The following SLC12A7 variants were observed in gnomAD, a reference collection of about 807,000 sequenced individuals.
The protein encoded by SLC12A7 is solute carrier family 12 member 7.
Under a neutral mutation model 120.6 loss-of-function variants are expected in SLC12A7, and 100 were observed. The observed-to-expected ratio is 0.83, with a 90% CI of 0.71 to 0.98. The LOEUF (loss-of-function observed/expected upper bound fraction) is 0.98. SLC12A7 is among the 50% of genes least tolerant of loss of function. The pLI is 0.00. For missense variants in SLC12A7, 1,373 were observed against 1,548.1 expected, an observed-to-expected ratio of 0.89 and a Z score of 1.90; for synonymous variants, 760 against 678.0, an observed-to-expected ratio of 1.12 and a Z score of -1.88.
At chr5:1,075,819 GC>G in intron 14 of SLC12A7, 1 of 506,852 alleles carries the variant, frequency 2.0e-6, no homozygotes. Context: ...AAGACCCACA[GC>G]CCTGATGGGC....
At chr5:1,094,299 G>A (rs992739269) in intron 1 of SLC12A7, 51 bp from the exon 2 acceptor site, 3 of 1,342,704 alleles carry the variant, frequency 2.2e-6, no homozygotes, top group Admixed American at 1.7e-5. Context: ...CTAAAAGCAA[G>A]CACAGAAGGC....
upstream of SLC12A7, among the ~76,000 whole-genome samples, chr5:1,112,723 T>C (rs1458293184): frequency 1.7e-5 from 2 of 118,398 alleles, no homozygotes; most frequent in Admixed American, 9.3e-5. Flanking sequence ...CAACACCCGC[T>C]CAGACCCTGG....
At chr5:1,123,840 T>C in the SLC12A7 span, among the ~76,000 whole-genome samples, 6 of 152,260 alleles carry the variant, frequency 3.9e-5, no homozygotes, top group Non-Finnish European at 5.9e-5. Context: ...TTCGTTTGTT[T>C]CATTAAGAGA....
Position 1,099,838 on chromosome 5 carries a change from C to T in SLC12A7, c.125-5590G>A, listed in dbSNP as rs531924152. On this transcript the variant is annotated intron_variant, in intron 1 of 23. Transcript: ENST00000264930. The stretch of plus-strand genomic sequence containing the variant: ...GACACCTTAAAACCAGCGATAGGAA[C>T]GGCCCCTTCACAACCACCACGGTCC... Among the ~76,000 whole-genome samples the T allele has an allele frequency of 9.2e-5, 14 of 152,348 alleles. No individual in the cohort carries two copies. The East Asian group carries it at 1.3e-3, about 15-fold the overall frequency.
chr5:1,079,031 T>TA (rs1738690718), intron 10 of SLC12A7, among the ~76,000 whole-genome samples: 1 of 152,078 alleles, frequency 6.6e-6, no homozygotes, highest in Non-Finnish European at 1.5e-5. Flanking sequence ...CGCCAGGGAT[T>TA]GGCAGGGGAC....
chr5:1,152,161 C>T, the SLC12A7 span, among the ~76,000 whole-genome samples: 2 of 152,150 alleles, frequency 1.3e-5, no homozygotes, highest in South Asian at 2.1e-4. Context: ...AGCCCCATCA[C>T]CTCCCAGCTG....
the SLC12A7 span, among the ~76,000 whole-genome samples, chr5:1,146,197 C>T: frequency 6.6e-6 from 1 of 152,220 alleles, no homozygotes; most frequent in South Asian, 2.1e-4. This position sits in a 1 kb window ranked among gnomAD's most constrained non-coding sequence, Gnocchi z 6.5. Context: ...GGGCCATTCC[C>T]TGGTCACCCA....
At position 1,078,016 on chromosome 5, in the gene SLC12A7, A is replaced by AGGCG. The variant is rs1554016503; in HGVS notation, c.1455-13_1455-10dup. The AGGCG allele has an allele frequency of 3.9e-6, 6 of 1,545,622 alleles. No individual in the cohort carries two copies. Among genetic ancestry groups the AGGCG allele is most frequent in the Admixed American group, 2.1e-5 (1 of 48,768 alleles). On this transcript the variant is annotated splice_polypyrimidine_tract_variant and intron_variant, in intron 11 of 23. Coordinates refer to ENST00000264930, the MANE Select transcript of SLC12A7 (RefSeq NM_006598.3). ...GCAGGGCCTCCCCGAACCTGCAGGC[A>AGGCG]GGCGGGCAGGCGGGCGGGCGGCTTT...
At chr5:1,058,634 C>A (rs1007573365) in intron 21 of SLC12A7, among the ~76,000 whole-genome samples, 1 of 152,242 alleles carries the variant, frequency 6.6e-6, no homozygotes, top group Non-Finnish European at 1.5e-5. Flanking sequence ...GATGTCGGTC[C>A]TTCCCGAAAG....
rs1418099741 is a variant in SLC12A7 at position 1,051,644 on chromosome 5, C to G, written c.*716G>C. On this transcript the variant is annotated 3_prime_UTR_variant, in exon 24 of 24. Coordinates refer to ENST00000264930, the MANE Select transcript of SLC12A7 (RefSeq NM_006598.3). ...CACAGCTGGGGGCCCCTTCCCGGAG[C>G]GTAGGCCCTGATGAACTGAACGTGT... The G allele has an allele frequency of 6.6e-6, 1 of 152,292 alleles. No homozygotes were observed. The highest frequency in any genetic ancestry group is 1.5e-5 in the Non-Finnish European group (1 of 68,106). 9.4% of individuals were successfully genotyped at this position (152,292 alleles called of 1,614,324 possible).
intron 9 of SLC12A7, among the ~76,000 whole-genome samples, chr5:1,081,189 C>T (rs529520015): frequency 2.4e-4 from 37 of 152,182 alleles, no homozygotes; most frequent in South Asian, 1.9e-3. Context: ...GGAAGCCAGG[C>T]GTGGTGGCTC....
the SLC12A7 span, among the ~76,000 whole-genome samples, chr5:1,134,196 G>A: frequency 3.3e-5 from 5 of 152,200 alleles, no homozygotes; most frequent in Admixed American, 2.0e-4. Context: ...TTGGCTGGGC[G>A]CGGTGGCTCA....
chr5:1,141,431 C>A, the SLC12A7 span, among the ~76,000 whole-genome samples: 6 of 152,080 alleles, frequency 3.9e-5, no homozygotes, highest in Admixed American at 3.9e-4. Context: ...GCCGTCCCTG[C>A]TGCCACGGGC....
the SLC12A7 span, among the ~76,000 whole-genome samples, chr5:1,122,580 G>C: frequency 1.3e-5 from 2 of 152,154 alleles, no homozygotes; most frequent in East Asian, 3.8e-4. Context: ...CTTCACCACC[G>C]GTCTCCAGAG....
chr5:1,083,658 G>A (rs1217654941), intron 8 of SLC12A7, 87 bp downstream of exon 8: 1 of 1,382,466 alleles, frequency 7.2e-7, no homozygotes, highest in South Asian at 1.2e-5. Context: ...GGCCCTGAGA[G>A]TGACTCTAAG....
chr5:1,138,255 G>A, the SLC12A7 span, among the ~76,000 whole-genome samples: 38 of 152,244 alleles, frequency 2.5e-4, no homozygotes, highest in African/African-American at 8.7e-4. Context: ...ACCCACTGCC[G>A]GCGGGGTGGG....
rs760619350 is a variant in SLC12A7, at chr5:1,075,400, G to A, written c.1938C>T (p.Gly646=). The part of the protein sequence containing the change: ...YYALSAMLIA[G]CIYKYIEYRG... ...GGTACTCGATGTACTTGTAGATGCA[G>A]CCAGCGATGAGCATGGCGGACAGCG... The change falls in exon 15 of 24, where the codon GGC becomes GGT. Residue 646 remains glycine, a synonymous_variant. Coordinates refer to ENST00000264930, the MANE Select transcript of SLC12A7 (RefSeq NM_006598.3). 6 of 1,612,346 alleles carry A rather than the reference G, an allele frequency of 3.7e-6. No homozygotes were observed. The highest frequency in any genetic ancestry group is 5.1e-6 in the Non-Finnish European group (6 of 1,179,486).
chr5:1,063,959 C>T lies in SLC12A7; in HGVS notation c.2624G>A (p.Arg875Gln), dbSNP rs373761333. ...LRQHKVWRKCRMRIFTVAQVD... is the reference protein window; with the variant it reads ...LRQHKVWRKCQMRIFTVAQVD... ...CTGGGCCACGGTGAAGATACGCATC[C>T]GGCACTTCCTCCACACCTGCAGACA... is the stretch of plus-strand genomic sequence containing the variant. Residue 875 changes from arginine (R) to glutamine (Q), a missense_variant, in exon 20 of 24, where the codon CGG becomes CAG. By Grantham distance (43) the Arg-to-Gln change is conservative. Transcript: ENST00000264930. The T allele has an allele frequency of 1.8e-5, 29 of 1,612,416 alleles. No individual in the cohort carries two copies. Among genetic ancestry groups the T allele is most frequent in the African/African-American group, 1.2e-4 (9 of 74,824 alleles).
chr5:1,151,848 C>A, the SLC12A7 span, among the ~76,000 whole-genome samples: 2 of 152,184 alleles, frequency 1.3e-5, no homozygotes, highest in African/African-American at 4.8e-5. This position sits in a 1 kb window ranked among gnomAD's most constrained non-coding sequence, Gnocchi z 6.2. Flanking sequence ...GGGAACCTAC[C>A]TTTCCTCATC....
Sources: allele counts gnomAD v4.1 joint callset (sites outside exome capture counted in the v4.1 genomes callset), GRCh38; gene constraint gnomAD v4.1.1; non-coding constraint Gnocchi (gnomAD v3.1); transcripts MANE v1.5; gene names NCBI Gene and HGNC (gene_info 2026-07-23, HGNC 2026-07-21).